HLF: variants seen among roughly 807,000 people sequenced by gnomAD.
HLF encodes HLF transcription factor, PAR bZIP family member.
A neutral mutation model predicts 22.6 loss-of-function variants in HLF; 3 were observed. The observed-to-expected ratio is 0.13, with a 90% CI of 0.06 to 0.34. The LOEUF is 0.34. Ranked by LOEUF, HLF falls within the 10% of genes least tolerant of loss-of-function variation. HLF has a pLI of 1.00. For missense variants in HLF, 299 were observed against 389.2 expected, an observed-to-expected ratio of 0.77 and a Z score of 1.95; for synonymous variants, 151 against 151.8, an observed-to-expected ratio of 0.99 and a Z score of 0.04.
intron 2 of HLF, among the ~76,000 whole-genome samples, chr17:55,297,848 C>G (rs1390107805): frequency 7.1e-6 from 1 of 140,730 alleles, no homozygotes; most frequent in African/African-American, 2.7e-5. Flanking sequence ...CTCCCGGGTT[C>G]AAGCAGTTCT....
At chr17:55,291,579 A>G (rs1215874243) in intron 2 of HLF, among the ~76,000 whole-genome samples, 1 of 147,116 alleles carries the variant, frequency 6.8e-6, no homozygotes, top group East Asian at 2.0e-4. Context: ...CTGTTATCCA[A>G]AAACTCTGAT....
At chr17:55,277,268 T>TGC (rs2080913290) in intron 2 of HLF, among the ~76,000 whole-genome samples, 1 of 131,188 alleles carries the variant, frequency 7.6e-6, no homozygotes. Context: ...TGTGTGTGTG[T>TGC]GTGTGTGCGC....
chr17:55,276,731 G>A (rs2080907718), intron 2 of HLF, among the ~76,000 whole-genome samples: 1 of 152,210 alleles, frequency 6.6e-6, no homozygotes, highest in Non-Finnish European at 1.5e-5. Flanking sequence ...AACTTCATGA[G>A]TACCAGGCTG....
intron 2 of HLF, among the ~76,000 whole-genome samples, chr17:55,301,748 A>G (rs532374647): frequency 6.6e-6 from 1 of 152,346 alleles, no homozygotes; most frequent in Non-Finnish European, 1.5e-5. Flanking sequence ...TCCTTTGATC[A>G]TGGTGGCGAT....
chr17:55,285,847 T>G (rs1376986062), intron 2 of HLF, among the ~76,000 whole-genome samples: 1 of 152,216 alleles, frequency 6.6e-6, no homozygotes, highest in Non-Finnish European at 1.5e-5. Context: ...CTCTTATGAG[T>G]GTCGAGAGAT....
Position 55,265,880 on chromosome 17 carries a change from T to A in HLF, c.115+281T>A, listed in dbSNP as rs1407853529. 6 of 1,204,720 alleles carry A rather than the reference T, an allele frequency of 5.0e-6. No homozygotes were observed. In the African/African-American group the frequency reaches 9.6e-5, roughly 19 times the overall value. 74.6% of individuals were successfully genotyped at this position (1,204,720 alleles called of 1,614,324 possible). A position where few individuals can be genotyped will look rare whatever the true frequency, so the allele number is the denominator to read the frequency against. On this transcript the variant is annotated intron_variant, in intron 1 of 3. Coordinates refer to ENST00000226067, the MANE Select transcript of HLF (RefSeq NM_002126.5). ...CTGCGGCGCGGGTGGGAGGTGTAACTTGACAGGTCAGGATCGTTCCCTAGA... is the reference window on the plus strand; with the variant it reads ...CTGCGGCGCGGGTGGGAGGTGTAACATGACAGGTCAGGATCGTTCCCTAGA...
At chr17:55,279,093 A>G (rs575801285) in intron 2 of HLF, among the ~76,000 whole-genome samples, 59 of 152,322 alleles carry the variant, frequency 3.9e-4, no homozygotes, top group Admixed American at 1.0e-3. Context: ...TTTTTTCCTC[A>G]TAAAATCTAA....
At position 55,267,743 on chromosome 17, in the gene HLF, T is replaced by C; in HGVS notation, c.116-8T>C. ...TTTTTTTAAGTCCAGCTTTCCCTTC[T>C]TCTGCAGCATTTAGTAAAGATAAAG... On this transcript the variant is annotated splice_region_variant and splice_polypyrimidine_tract_variant and intron_variant, in intron 1 of 3. Coordinates refer to ENST00000226067, the MANE Select transcript of HLF (RefSeq NM_002126.5). 1.9e-6 allele frequency: 3 copies of C among 1,539,374 alleles called. No individual in the cohort carries two copies. The highest frequency in any genetic ancestry group is 1.2e-5 in the South Asian group (1 of 82,476).
At chr17:55,313,765 A>G (rs1007213157) in intron 2 of HLF, among the ~76,000 whole-genome samples, 3 of 152,154 alleles carry the variant, frequency 2.0e-5, no homozygotes, top group Admixed American at 2.0e-4. Flanking sequence ...AGCTTGGCTA[A>G]TGAGAACTCT....
chr17:55,322,156 A>G lies in HLF; in HGVS notation c.*1277A>G, dbSNP rs1156290786. The G allele has an allele frequency of 3.0e-5, 6 of 202,884 alleles. No individual in the cohort carries two copies. Among genetic ancestry groups the G allele is most frequent in the African/African-American group, 4.6e-5 (2 of 43,580 alleles). 12.6% of individuals were successfully genotyped at this position (202,884 alleles called of 1,614,324 possible). On this transcript the variant is annotated 3_prime_UTR_variant, in exon 4 of 4. Coordinates refer to ENST00000226067, the MANE Select transcript of HLF (RefSeq NM_002126.5). ...TTTGCTTTTGAACGTATGTGCTCTTATAAAGTGGACTTCTGAAAAATGAAT... is the reference window on the plus strand; with the variant it reads ...TTTGCTTTTGAACGTATGTGCTCTTGTAAAGTGGACTTCTGAAAAATGAAT...
intron 2 of HLF, among the ~76,000 whole-genome samples, chr17:55,311,925 T>G (rs996812952): frequency 1.3e-5 from 2 of 152,208 alleles, no homozygotes; most frequent in Non-Finnish European, 2.9e-5. Context: ...ACATGCAGTA[T>G]TTGGTTTTCT....
At chr17:55,304,543 G>A (rs955288953) in intron 2 of HLF, among the ~76,000 whole-genome samples, 1 of 152,242 alleles carries the variant, frequency 6.6e-6, no homozygotes, top group African/African-American at 2.4e-5. Flanking sequence ...ACTGGAATGA[G>A]AGGCCTTGTT....
Position 55,320,881 on chromosome 17 carries a change from A to G in HLF, c.*2A>G. ...GAGGCCAGGCACGGGCCCCTGTAGG[A>G]TGGCATTTTTGCAGGCTGGCTTTGG... On this transcript the variant is annotated 3_prime_UTR_variant, in exon 4 of 4. Transcript: ENST00000226067. This position sits in a 1 kb window ranked among gnomAD's most constrained non-coding sequence, Gnocchi z 4.2. 2.5e-6 allele frequency: 4 copies of G among 1,608,496 alleles called. No homozygotes were observed. The highest frequency in any genetic ancestry group is 3.4e-6 in the Non-Finnish European group (4 of 1,177,772).
At position 55,315,451 on chromosome 17, in the gene HLF, A is replaced by G; in HGVS notation, c.672+4A>G. 6.2e-7 allele frequency: 1 copy of G among 1,606,302 alleles called. No homozygotes were observed. The highest frequency in any genetic ancestry group is 8.5e-7 in the Non-Finnish European group (1 of 1,172,970). On this transcript the variant is annotated splice_donor_region_variant and intron_variant, in intron 3 of 3. Coordinates refer to ENST00000226067, the MANE Select transcript of HLF (RefSeq NM_002126.5). ...CTTCATCCCTGATGACCTGAAGGTA[A>G]ATTGGAACTGGTAATCAGTCTTTGG... is the stretch of plus-strand genomic sequence containing the variant.
chr17:55,306,706 C>T (rs1300312300), intron 2 of HLF, among the ~76,000 whole-genome samples: 1 of 152,112 alleles, frequency 6.6e-6, no homozygotes, highest in East Asian at 1.9e-4. Context: ...GGACACCTTC[C>T]AATTTCATCT....
chr17:55,279,275 G>A (rs541297845), intron 2 of HLF, among the ~76,000 whole-genome samples: 2 of 152,298 alleles, frequency 1.3e-5, no homozygotes, highest in African/African-American at 4.8e-5. Context: ...GGAAGATTCA[G>A]TATTACACAA....
In HLF at chr17:55,321,623, T is replaced by C. The variant is rs1185340287; in HGVS notation, c.*744T>C. The C allele has an allele frequency of 4.4e-6, 1 of 228,370 alleles. No individual in the cohort carries two copies. Among genetic ancestry groups the C allele is most frequent in the East Asian group, 6.3e-5 (1 of 15,860 alleles). The allele number at this position is 228,370 out of a possible 1,614,324, so 14.1% of individuals were successfully genotyped here. A position where few individuals can be genotyped will look rare whatever the true frequency, so the allele number is the denominator to read the frequency against. On this transcript the variant is annotated 3_prime_UTR_variant, in exon 4 of 4. Transcript: ENST00000226067. ...CTAAAGCAATAATCCTATTGTACGC[T>C]AGAGCATGCTGCCTGAGTATTACTA... is the stretch of plus-strand genomic sequence containing the variant.
At chr17:55,268,811 C>A (rs141002432) in intron 2 of HLF, among the ~76,000 whole-genome samples, 1 of 152,134 alleles carries the variant, frequency 6.6e-6, no homozygotes, top group East Asian at 1.9e-4. Flanking sequence ...GCTGCAAGGT[C>A]AGCTGTAAAT....
intron 2 of HLF, among the ~76,000 whole-genome samples, chr17:55,277,110 C>T (rs932318862): frequency 1.3e-5 from 2 of 152,104 alleles, no homozygotes; most frequent in African/African-American, 4.8e-5. Context: ...CAAAAGCAGG[C>T]CTGGTCTCAT....
Sources: gnomAD v4.1 joint callset for allele counts (sites outside exome capture counted in the v4.1 genomes callset) on GRCh38, gnomAD v4.1.1 for gene constraint, Gnocchi (gnomAD v3.1) non-coding constraint, MANE v1.5 for transcripts, NCBI Gene and HGNC (gene_info 2026-07-23, HGNC 2026-07-21) for gene names.